The following LRP1B variants were observed in gnomAD, a reference collection of about 807,000 sequenced individuals.
The protein encoded by LRP1B is LDL receptor related protein 1B.
A neutral mutation model predicts 556.6 loss-of-function variants in LRP1B; 217 were observed. That is an observed-to-expected ratio of 0.39 (90% CI 0.35 to 0.44). The LOEUF (loss-of-function observed/expected upper bound fraction) is 0.44. Among genes scored for constraint, LRP1B ranks in the 20% least tolerant of loss-of-function variants. LRP1B has a pLI of 1.00. For missense variants in LRP1B, 5,053 were observed against 5,620.8 expected (o/e 0.90, Z 3.23); for synonymous variants, 2,047 against 1,865.8 (o/e 1.10, Z -2.50).
chr2:141,111,262 G>C (rs1700742960), intron 7 of LRP1B, among the ~76,000 whole-genome samples: 1 of 152,070 alleles, frequency 6.6e-6, no homozygotes, highest in Admixed American at 6.6e-5. Context: ...AATGTATACT[G>C]TGCCTGTACA....
At chr2:141,227,499 T>C (rs1683292658) in intron 6 of LRP1B, among the ~76,000 whole-genome samples, 1 of 152,206 alleles carries the variant, frequency 6.6e-6, no homozygotes, top group Non-Finnish European at 1.5e-5. Flanking sequence ...TAATAAGGAT[T>C]ATCTGCCTTG....
At chr2:141,002,206 T>C (rs1479061064) in intron 15 of LRP1B, among the ~76,000 whole-genome samples, 1 of 149,722 alleles carries the variant, frequency 6.7e-6, no homozygotes, top group Non-Finnish European at 1.5e-5. Context: ...TACTGGCAAT[T>C]TACAAATTTC....
chr2:141,771,536 C>T (rs938841484), intron 2 of LRP1B, among the ~76,000 whole-genome samples: 1 of 152,144 alleles, frequency 6.6e-6, no homozygotes, highest in Non-Finnish European at 1.5e-5. Context: ...AATCAGAAAA[C>T]AATCTGGAAA....
At chr2:140,556,641 C>T (rs945974216) in intron 43 of LRP1B, among the ~76,000 whole-genome samples, 1 of 152,046 alleles carries the variant, frequency 6.6e-6, no homozygotes, top group East Asian at 1.9e-4. Flanking sequence ...ATGAACTTAA[C>T]AATGGGCAAG....
chr2:140,548,362 T>A (rs1286585923), intron 43 of LRP1B, among the ~76,000 whole-genome samples: 1 of 152,174 alleles, frequency 6.6e-6, no homozygotes, highest in African/African-American at 2.4e-5. Context: ...CTTCTTTACA[T>A]GTATGAGAAA....
chr2:140,322,222 A>G, intron 81 of LRP1B, 134 bp from the exon 82 acceptor site: 1 of 801,462 alleles, frequency 1.2e-6, no homozygotes, highest in Non-Finnish European at 2.0e-6. Flanking sequence ...ACTGATGTGG[A>G]GTATCTCACT....
chr2:141,827,066 T>C (rs1696956558), intron 1 of LRP1B, among the ~76,000 whole-genome samples: 1 of 152,228 alleles, frequency 6.6e-6, no homozygotes, highest in Admixed American at 6.5e-5. Flanking sequence ...GTGCCTGTCA[T>C]ATAAATAATC....
chr2:140,421,250 G>T (rs1481679109), intron 66 of LRP1B, among the ~76,000 whole-genome samples: 1 of 151,944 alleles, frequency 6.6e-6, no homozygotes, highest in East Asian at 1.9e-4. Flanking sequence ...GCAAGATTCT[G>T]TCTCAAAAAA....
chr2:141,324,468 T>C (rs1377708233), intron 3 of LRP1B, among the ~76,000 whole-genome samples: 1 of 152,158 alleles, frequency 6.6e-6, no homozygotes, highest in Admixed American at 6.6e-5. Flanking sequence ...GTCTCCTTTC[T>C]ATCTTTCCCT....
At chr2:140,451,657 A>T (rs1251138220) in intron 62 of LRP1B, among the ~76,000 whole-genome samples, 1 of 152,180 alleles carries the variant, frequency 6.6e-6, no homozygotes, top group Non-Finnish European at 1.5e-5. Context: ...TCTTTAAAGC[A>T]GTTGAGGCCA....
chr2:141,840,257 C>CTTTTTTTT (rs565362139), intron 1 of LRP1B, among the ~76,000 whole-genome samples: 1 of 84,230 alleles, frequency 1.2e-5, no homozygotes, highest in Non-Finnish European at 2.2e-5. Context: ...AACAAATTTC[C>CTTTTTTTT]TTTTTTTTTT....
rs117095314 is a variant in LRP1B at position 140,634,252 on chromosome 2, T to G, written c.6800-32613A>C. Among the ~76,000 whole-genome samples, 173 of 152,286 alleles carry G rather than the reference T, an allele frequency of 1.1e-3. 2 individuals are homozygous for G. In the East Asian group the frequency reaches 0.031, roughly 27 times the overall value. ...TTTGATAAAATCCAACACCCATTTA[T>G]GATAAAAATCTCTCAGCAAAGTAGA... On this transcript the variant is annotated intron_variant, in intron 41 of 90. Coordinates refer to ENST00000389484, the MANE Select transcript of LRP1B (RefSeq NM_018557.3).
chr2:141,013,434 G>T, intron 14 of LRP1B, 122 bp downstream of exon 14: 1 of 744,652 alleles, frequency 1.3e-6, no homozygotes, highest in Non-Finnish European at 2.1e-6. Context: ...ATTGACTTTG[G>T]AGGGAATTTG....
chr2:141,799,272 T>A (rs1695925437), intron 2 of LRP1B, among the ~76,000 whole-genome samples: 1 of 152,138 alleles, frequency 6.6e-6, no homozygotes, highest in Non-Finnish European at 1.5e-5. Context: ...TATATCACAT[T>A]CCGTGACAAA....
chr2:140,738,844 C>T (rs1688037941), intron 35 of LRP1B, among the ~76,000 whole-genome samples: 5 of 152,106 alleles, frequency 3.3e-5, no homozygotes, highest in Admixed American at 2.6e-4. Flanking sequence ...TGACTAATTG[C>T]CTACATCAAA....
rs183189930 is a variant in LRP1B at position 140,422,209 on chromosome 2, C to T, written c.10414+20295G>A. ...GAACTTAGCAAAAGAGATATTCGAT[C>T]CTTTAAGAAGGCAACATGAAAGCAG... is the stretch of plus-strand genomic sequence containing the variant. On this transcript the variant is annotated intron_variant, in intron 66 of 90. Transcript: ENST00000389484. 7.1e-3 allele frequency among the ~76,000 whole-genome samples: 1,075 copies of T among 152,236 alleles called. 10 individuals carry two copies. The highest frequency in any genetic ancestry group is 0.025 in the African/African-American group (1,023 of 41,536).
chr2:140,417,515 A>G (rs952526150), intron 66 of LRP1B, among the ~76,000 whole-genome samples: 4 of 152,204 alleles, frequency 2.6e-5, no homozygotes, highest in African/African-American at 9.7e-5. Context: ...TTTTTGTGCA[A>G]TACATTTTTC....
At chr2:140,863,404 A>G (rs1018153042) in intron 27 of LRP1B, among the ~76,000 whole-genome samples, 71 of 152,162 alleles carry the variant, frequency 4.7e-4, no homozygotes, top group Admixed American at 4.5e-3. Flanking sequence ...AACCCCACCT[A>G]AGACCTACTG....
intron 59 of LRP1B, among the ~76,000 whole-genome samples, chr2:140,478,152 T>C (rs976681930): frequency 6.9e-6 from 1 of 145,788 alleles, no homozygotes; most frequent in African/African-American, 2.5e-5. Context: ...AACTTTTTTT[T>C]TTTTTTTTTT....
Sources: gnomAD v4.1 joint callset for allele counts (sites outside exome capture counted in the v4.1 genomes callset) on GRCh38, gnomAD v4.1.1 for gene constraint, MANE v1.5 for transcripts, NCBI Gene and HGNC (gene_info 2026-07-23, HGNC 2026-07-21) for gene names.